Variants in PALM observed in about 807,000 individuals in gnomAD.
PALM encodes the protein paralemmin.
Under a neutral mutation model 30.7 loss-of-function variants are expected in PALM, and 18 were observed. That is an observed-to-expected ratio of 0.59 (90% CI 0.41 to 0.87). The LOEUF is 0.87. PALM is among the 40% of genes least tolerant of loss of function. The probability of loss-of-function intolerance (pLI) is 0.00; values close to 1 mark genes in which losing one functional copy is unlikely to be tolerated. For synonymous variants in PALM, 286 were observed against 242.8 expected (o/e 1.18, Z -1.66); for missense variants, 529 against 555.4 (o/e 0.95, Z 0.48).
chr19:736,703 A>G (rs1388545593), intron 7 of PALM, among the ~76,000 whole-genome samples: 2 of 152,172 alleles, frequency 1.3e-5, no homozygotes, highest in Non-Finnish European at 2.9e-5. Flanking sequence ...ATAATGAGAA[A>G]TCGTCGCAGT....
chr19:716,939 T>A (rs1160449584), intron 1 of PALM, among the ~76,000 whole-genome samples: 1 of 151,794 alleles, frequency 6.6e-6, no homozygotes, highest in Non-Finnish European at 1.5e-5. Flanking sequence ...GGGTGTACTT[T>A]TTTTTTTTTT....
rs544877032 is a variant in PALM, at chr19:727,611, G to C, written c.186G>C (p.Ser62=). The part of the protein sequence containing the change: ...ERWLLEGTPS[S]ASEGDEDLRR... Reference sequence around the variant, plus strand: ...GGCTGCTGGAGGGGACGCCGTCCTCGGCCTCAGAGGGGGATGAGGACCTGA... The same window carrying C: ...GGCTGCTGGAGGGGACGCCGTCCTCCGCCTCAGAGGGGGATGAGGACCTGA... The change falls in exon 4 of 9, where the codon TCG becomes TCC. Residue 62 remains serine (S), a synonymous_variant. Transcript: ENST00000338448. 2 of 1,579,796 alleles carry C rather than the reference G, an allele frequency of 1.3e-6. No individual in the cohort carries two copies. The highest frequency in any genetic ancestry group is 1.9e-5 in the Admixed American group (1 of 54,032).
intron 4 of PALM, among the ~76,000 whole-genome samples, chr19:730,365 C>T (rs1313087410): frequency 6.6e-6 from 1 of 152,168 alleles, no homozygotes; most frequent in Admixed American, 6.6e-5. Flanking sequence ...CCGCCCTTGC[C>T]AGACCCCGGG....
intron 8 of PALM, among the ~76,000 whole-genome samples, chr19:743,011 C>G (rs1477000449): frequency 6.6e-6 from 1 of 152,114 alleles, no homozygotes; most frequent in Admixed American, 6.6e-5. Context: ...TCCCACAGGT[C>G]GTGGATGAGG....
chr19:721,340 A>T (rs372655468), intron 1 of PALM, among the ~76,000 whole-genome samples: 13 of 152,192 alleles, frequency 8.5e-5, no homozygotes, highest in South Asian at 8.3e-4. Flanking sequence ...ATCTCGGCTC[A>T]CTGCAACCTC....
rs3837994 is a variant in PALM, at chr19:732,939, G to GTT, written c.421-1224_421-1223dup. Among the ~76,000 whole-genome samples, 53 of 145,146 alleles carry GTT rather than the reference G, an allele frequency of 3.7e-4. 2 individuals carry two copies. In the South Asian group the frequency reaches 9.8e-3, roughly 27 times the overall value. On this transcript the variant is annotated intron_variant, in intron 5 of 8. Transcript: ENST00000338448. ...GGAGGACGTGGGGTGGTTTTTTTGT[G>GTT]TTTTTTTTTTTGAGACAGAGTTTCA...
intron 1 of PALM, among the ~76,000 whole-genome samples, chr19:723,397 C>T (rs975722728): frequency 5.3e-5 from 8 of 152,010 alleles, no homozygotes; most frequent in Non-Finnish European, 1.2e-4. Context: ...CCCTGGTTCC[C>T]GCCAGGCCCT....
chr19:732,070 C>T (rs2032895075), intron 5 of PALM, among the ~76,000 whole-genome samples: 2 of 149,144 alleles, frequency 1.3e-5, no homozygotes, highest in Non-Finnish European at 3.0e-5. Flanking sequence ...TCGACTTCCC[C>T]AGCTCCAGCG....
In PALM at chr19:742,024, A is replaced by C. The variant is rs2033209985; in HGVS notation, c.634+1541A>C. Among the ~76,000 whole-genome samples the C allele has an allele frequency of 6.6e-6, 1 of 151,678 alleles. No homozygotes were observed. Among genetic ancestry groups the C allele is most frequent in the Non-Finnish European group, 1.5e-5 (1 of 67,940 alleles). On this transcript the variant is annotated intron_variant, in intron 8 of 8. Coordinates refer to ENST00000338448, the MANE Select transcript of PALM (RefSeq NM_002579.3). This position sits in a 1 kb window ranked among gnomAD's most constrained non-coding sequence, Gnocchi z 5.5. ...ACTGCACCCGGCCTCTTTTTCTTTT[A>C]TGAGATATAATTCGCAGACCATAAA...
At chr19:743,582 C>T (rs897460133) in intron 8 of PALM, among the ~76,000 whole-genome samples, 19 of 152,226 alleles carry the variant, frequency 1.2e-4, no homozygotes, top group Non-Finnish European at 2.5e-4. Flanking sequence ...GAACACTTTC[C>T]TTCTGGTCTG....
At chr19:745,630 G>A (rs1223715665) in intron 8 of PALM, among the ~76,000 whole-genome samples, 1 of 151,212 alleles carries the variant, frequency 6.6e-6, no homozygotes, top group Non-Finnish European at 1.5e-5. Flanking sequence ...GGGAGGCGGA[G>A]GTTGCGGTGA....
chr19:730,718 G>T (rs1212458241), intron 4 of PALM, among the ~76,000 whole-genome samples: 1 of 152,184 alleles, frequency 6.6e-6, no homozygotes, highest in Non-Finnish European at 1.5e-5. Flanking sequence ...CAGAGAGCTA[G>T]GCCGAGTGCG....
intron 8 of PALM, among the ~76,000 whole-genome samples, chr19:745,217 A>G (rs918770248): frequency 6.6e-6 from 1 of 152,148 alleles, no homozygotes; most frequent in African/African-American, 2.4e-5. Flanking sequence ...CCAGTTCCCC[A>G]GGGTGGGTGG....
At chr19:734,491 C>T (rs2144902058) in intron 6 of PALM, 2 of 425,720 alleles carry the variant, frequency 4.7e-6, no homozygotes, top group Admixed American at 8.2e-5. Flanking sequence ...ATCGCTTGAG[C>T]CCAGGAGTTC....
intron 7 of PALM, 43 bp from the exon 8 acceptor site, chr19:740,309 G>A: frequency 6.6e-7 from 1 of 1,518,144 alleles, no homozygotes; most frequent in Non-Finnish European, 8.9e-7. Flanking sequence ...GGGGGGTGCG[G>A]GGGCGGGCAG....
chr19:721,960 C>G (rs1031429934), intron 1 of PALM, among the ~76,000 whole-genome samples: 1 of 151,724 alleles, frequency 6.6e-6, no homozygotes, highest in African/African-American at 2.4e-5. Context: ...GCTCTGTCGC[C>G]CAGGCTGGAG....
intron 1 of PALM, among the ~76,000 whole-genome samples, chr19:710,945 G>C (rs375785148): frequency 6.6e-6 from 1 of 152,180 alleles, no homozygotes; most frequent in Non-Finnish European, 1.5e-5. Flanking sequence ...TCTTCTCCCC[G>C]GCGGGCTTCA....
chr19:718,493 C>G (rs753441814), intron 1 of PALM, among the ~76,000 whole-genome samples: 5 of 152,162 alleles, frequency 3.3e-5, no homozygotes, highest in Non-Finnish European at 2.9e-5. Flanking sequence ...CAGGGAAGGC[C>G]CCGTTCACGC....
At position 744,399 on chromosome 19, in the gene PALM, C is replaced by CAAA. The variant is rs59707820; in HGVS notation, c.635-1873_635-1871dup. On this transcript the variant is annotated intron_variant, in intron 8 of 8. Transcript: ENST00000338448. Reference sequence around the variant, plus strand: ...TGGGCGACAGAGCGAGACTCCATCTCAAAAAAAAAAAAAAATAGAAAGTGA... The same window carrying CAAA: ...TGGGCGACAGAGCGAGACTCCATCTCAAAAAAAAAAAAAAAAAATAGAAAGTGA... Among the ~76,000 whole-genome samples the CAAA allele has an allele frequency of 4.1e-3, 524 of 126,584 alleles. 4 individuals carry two copies. The highest frequency in any genetic ancestry group is 0.012 in the East Asian group (56 of 4,488). 83.0% of individuals were successfully genotyped at this position (126,584 alleles called of 152,430 possible).
Sources: allele counts gnomAD v4.1 joint callset (sites outside exome capture counted in the v4.1 genomes callset), GRCh38; gene constraint gnomAD v4.1.1; non-coding constraint Gnocchi (gnomAD v3.1); transcripts MANE v1.5; gene names NCBI Gene and HGNC (gene_info 2026-07-23, HGNC 2026-07-21).